NOS1: variants seen among roughly 807,000 people sequenced by gnomAD.
NOS1 encodes the protein nitric oxide synthase 1.
In NOS1, 51 loss-of-function variants were observed where a neutral mutation model predicts 164.5. The observed-to-expected ratio is 0.31, with a 90% CI of 0.25 to 0.39. NOS1 has a LOEUF of 0.39. NOS1 is among the 10% of genes least tolerant of loss of function. The pLI, the probability that NOS1 is intolerant of heterozygous loss-of-function variation, is 1.00. For missense variants in NOS1, 1,362 were observed against 1,885.6 expected (o/e 0.72, Z 5.14); for synonymous variants, 719 against 745.8 (o/e 0.96, Z 0.59).
chr12:117,234,587 C>T lies in NOS1; in HGVS notation c.3213G>A (p.Leu1071=). The T allele has an allele frequency of 1.9e-6, 3 of 1,613,884 alleles. No homozygotes were observed. The highest frequency in any genetic ancestry group is 1.3e-5 in the African/African-American group (1 of 75,036). ...PVNQMVKVEL[L]EERNTALGVI... ...TACCTAAAGCCGTGTTCCGCTCCTC[C>T]AGCAGTTCCACTTTCACCATCTGGT... The change falls in exon 21 of 29, where the codon CTG becomes CTA. Residue 1071 remains leucine, a synonymous_variant. Coordinates refer to ENST00000317775, the MANE Select transcript of NOS1 (RefSeq NM_000620.5). This position sits in a 1 kb window ranked among gnomAD's most constrained non-coding sequence, Gnocchi z 4.3.
rs907208908 is a variant in NOS1 at position 117,208,938 on chromosome 12, G to A, written c.*6371C>T. 3.2e-5 allele frequency: 25 copies of A among 774,972 alleles called. No individual in the cohort carries two copies. Among genetic ancestry groups the A allele is most frequent in the Non-Finnish European group, 3.8e-5 (24 of 637,708 alleles). 48.0% of individuals were successfully genotyped at this position (774,972 alleles called of 1,614,324 possible). A position where few individuals can be genotyped will look rare whatever the true frequency, so the allele number is the denominator to read the frequency against. On this transcript the variant is annotated 3_prime_UTR_variant, in exon 29 of 29. Coordinates refer to ENST00000317775, the MANE Select transcript of NOS1 (RefSeq NM_000620.5). ...AGGTTTTGCCATGTTAGCCAGGTTG[G>A]TCTCTAACTCCCAGCCTCAAGTGAT...
intron 10 of NOS1, among the ~76,000 whole-genome samples, chr12:117,271,204 C>T (rs371320527): frequency 6.9e-4 from 105 of 152,198 alleles, no homozygotes; most frequent in Middle Eastern, 3.4e-3. Context: ...CATCACGAAG[C>T]CCCCCAGATA....
chr12:117,262,516 A>G (rs989738077), intron 13 of NOS1, among the ~76,000 whole-genome samples: 9 of 142,894 alleles, frequency 6.3e-5, no homozygotes, highest in Non-Finnish European at 1.1e-4. Flanking sequence ...AAGAGAGAGG[A>G]GAGAGAGAGA....
chr12:117,252,872 G>T (rs1871200854), intron 17 of NOS1, among the ~76,000 whole-genome samples: 1 of 152,196 alleles, frequency 6.6e-6, no homozygotes, highest in South Asian at 2.1e-4. Flanking sequence ...TTGTGGCCAG[G>T]CCTGAAGGTT....
chr12:117,247,455 T>A lies in NOS1; in HGVS notation c.2716A>T (p.Thr906Ser), dbSNP rs768720508. ...TCCCCTCCCAGTTCTTCCAGGAGGG[T>A]GTCCACAGCGTGTCCGAAGGCGCAA... ...HFCAFGHAVD[T>S]LLEELGGERI... Residue 906 changes from threonine to serine, a missense_variant, in exon 18 of 29, where the codon ACC (threonine) becomes TCC (serine). By Grantham distance (58) the Thr-to-Ser change is moderately conservative. Coordinates refer to ENST00000317775, the MANE Select transcript of NOS1 (RefSeq NM_000620.5). The A allele has an allele frequency of 2.5e-6, 4 of 1,612,950 alleles. No individual in the cohort carries two copies. Among genetic ancestry groups the A allele is most frequent in the Non-Finnish European group, 3.4e-6 (4 of 1,179,738 alleles).
intron 1 of NOS1, among the ~76,000 whole-genome samples, chr12:117,351,425 A>G (rs1290934811): frequency 6.6e-6 from 1 of 152,170 alleles, no homozygotes; most frequent in East Asian, 1.9e-4. Flanking sequence ...CTAGTCCCTG[A>G]GTACTTAAGC....
At chr12:117,231,210 G>GGGA (rs1869183873) in intron 22 of NOS1, among the ~76,000 whole-genome samples, 1 of 151,966 alleles carries the variant, frequency 6.6e-6, no homozygotes, top group Non-Finnish European at 1.5e-5. Flanking sequence ...CCAGCTGCTC[G>GGGA]GGAGGCTGAG....
rs1254549383 is a variant in NOS1 at position 117,209,274 on chromosome 12, T to C, written c.*6035A>G. On this transcript the variant is annotated 3_prime_UTR_variant, in exon 29 of 29. Transcript: ENST00000317775. ...CTGATGACATACTTGATTGTTACCG[T>C]TGGCAGGACACTGCTACAGGTATCT... 1 of 969,804 alleles carries C rather than the reference T, an allele frequency of 1.0e-6. No individual in the cohort carries two copies. The highest frequency in any genetic ancestry group is 1.8e-5 in the African/African-American group (1 of 57,084). 60.1% of individuals were successfully genotyped at this position (969,804 alleles called of 1,614,324 possible).
chr12:117,286,074 CTCT>C (rs1340666703), intron 6 of NOS1, 27 bp downstream of exon 6: 6 of 1,612,212 alleles, frequency 3.7e-6, no homozygotes, highest in African/African-American at 2.7e-5. Context: ...CATTTAAGGG[CTCT>C]TCAAGGTATC....
At chr12:117,299,360 C>G (rs1023556477) in intron 3 of NOS1, among the ~76,000 whole-genome samples, 1 of 152,062 alleles carries the variant, frequency 6.6e-6, no homozygotes, top group Non-Finnish European at 1.5e-5. Flanking sequence ...CATTGCTGGC[C>G]GGGCGCGGTG....
In NOS1 at chr12:117,212,635, G is replaced by T; in HGVS notation, c.*2674C>A. 1.0e-6 allele frequency: 1 copy of T among 985,424 alleles called. No homozygotes were observed. Among genetic ancestry groups the T allele is most frequent in the Non-Finnish European group, 1.2e-6 (1 of 829,932 alleles). The allele number at this position is 985,424 out of a possible 1,614,324, so 61.0% of individuals were successfully genotyped here. Reference sequence around the variant, plus strand: ...GAGCTGCTACTGGTCAATTCAGGGGGAAGAGGGAAATAAATGGGCCATAAC... The same window carrying T: ...GAGCTGCTACTGGTCAATTCAGGGGTAAGAGGGAAATAAATGGGCCATAAC... On this transcript the variant is annotated 3_prime_UTR_variant, in exon 29 of 29. Coordinates refer to ENST00000317775, the MANE Select transcript of NOS1 (RefSeq NM_000620.5).
chr12:117,345,216 T>C (rs1231609198), intron 1 of NOS1, among the ~76,000 whole-genome samples: 4 of 152,186 alleles, frequency 2.6e-5, no homozygotes, highest in Non-Finnish European at 5.9e-5. Flanking sequence ...GGAGATGGGA[T>C]TTTGCCGTGT....
At chr12:117,242,998 G>T (rs1870308983) in intron 19 of NOS1, among the ~76,000 whole-genome samples, 1 of 152,222 alleles carries the variant, frequency 6.6e-6, no homozygotes, top group Non-Finnish European at 1.5e-5. Flanking sequence ...GCAGGCATTG[G>T]TTGGGATGGG....
At chr12:117,329,537 G>A (rs1398356155) in intron 2 of NOS1, among the ~76,000 whole-genome samples, 1 of 151,432 alleles carries the variant, frequency 6.6e-6, no homozygotes, top group African/African-American at 2.4e-5. Flanking sequence ...AATGGAAGGG[G>A]GACAGAGAAA....
chr12:117,224,577 G>A (rs1026191749), intron 25 of NOS1, among the ~76,000 whole-genome samples: 16 of 152,304 alleles, frequency 1.1e-4, no homozygotes, highest in South Asian at 8.3e-4. Flanking sequence ...GAGCCACCGC[G>A]CCCGGCCAAT....
At chr12:117,240,855 A>G (rs891038763) in intron 20 of NOS1, among the ~76,000 whole-genome samples, 1 of 152,110 alleles carries the variant, frequency 6.6e-6, no homozygotes, top group African/African-American at 2.4e-5. Flanking sequence ...TCAACTCAAG[A>G]GCCTACTCTT....
chr12:117,302,009 C>A (rs751617508), intron 3 of NOS1: 1 of 456,730 alleles, frequency 2.2e-6, no homozygotes. Flanking sequence ...CCATCTCCAA[C>A]ACTTACTGGT....
rs34385734 is a variant in NOS1 at position 117,243,548 on chromosome 12, ACCATCCATCCATCCAT to A, written c.2824-129_2824-114del. ...ATTCACCCATCCATCCATCTATCCA[ACCATCCATCCATCCAT>A]CCATCCATCCATCCATCCATCCATC... On this transcript the variant is annotated intron_variant, in intron 18 of 28. Transcript: ENST00000317775. The surrounding 1 kb of genome is among the most constrained non-coding windows in gnomAD (Gnocchi z 4.3). The A allele has an allele frequency of 1.3e-4, 74 of 587,848 alleles. No individual in the cohort carries two copies. The highest frequency in any genetic ancestry group is 1.0e-3 in the East Asian group (33 of 31,670). 36.4% of individuals were successfully genotyped at this position (587,848 alleles called of 1,614,324 possible).
At chr12:117,346,555 C>T (rs1438971655) in intron 1 of NOS1, among the ~76,000 whole-genome samples, 2 of 152,108 alleles carry the variant, frequency 1.3e-5, no homozygotes, top group Admixed American at 1.3e-4. Context: ...GCAAAACCAC[C>T]AGCGATGAAC....
Sources: allele counts gnomAD v4.1 joint callset (sites outside exome capture counted in the v4.1 genomes callset), GRCh38; gene constraint gnomAD v4.1.1; non-coding constraint Gnocchi (gnomAD v3.1); transcripts MANE v1.5; gene names NCBI Gene and HGNC (gene_info 2026-07-23, HGNC 2026-07-21).